BFSP2: variants seen among roughly 807,000 people sequenced by gnomAD.
BFSP2 encodes phakinin.
BFSP2 carries 38 observed loss-of-function variants against 44.9 expected under a neutral mutation model. The ratio of observed to expected loss-of-function variants is 0.85; its 90% CI spans 0.65 to 1.11. The LOEUF (loss-of-function observed/expected upper bound fraction) is 1.11. BFSP2 is among the 50% of genes least tolerant of loss of function. The pLI is 0.00. For missense variants in BFSP2, 525 were observed against 533.0 expected (o/e 0.99, Z 0.15); for synonymous variants, 197 against 209.9 (o/e 0.94, Z 0.53).
At chr3:133,416,736 C>T (rs551486815) in intron 1 of BFSP2, among the ~76,000 whole-genome samples, 4 of 132,856 alleles carry the variant, frequency 3.0e-5, no homozygotes, top group South Asian at 2.8e-4. Context: ...CTCACCCTTG[C>T]CCTCTCACCT....
At chr3:133,423,945 C>T (rs973064427) in intron 1 of BFSP2, among the ~76,000 whole-genome samples, 5 of 152,054 alleles carry the variant, frequency 3.3e-5, no homozygotes, top group African/African-American at 1.2e-4. Context: ...GGACAACTCC[C>T]AATTTCCTGA....
chr3:133,472,198 C>A (rs946239830), intron 5 of BFSP2, 147 bp from the exon 6 acceptor site: 1 of 845,766 alleles, frequency 1.2e-6, no homozygotes, highest in South Asian at 1.5e-5. Context: ...TAAGAATAAC[C>A]CCCATCAGTC....
intron 1 of BFSP2, among the ~76,000 whole-genome samples, chr3:133,422,325 A>T (rs145985655): frequency 6.6e-6 from 1 of 152,240 alleles, no homozygotes; most frequent in African/African-American, 2.4e-5. Context: ...TCTCACTGAC[A>T]TCTCCCTGCA....
chr3:133,421,976 G>A (rs2073596694), intron 1 of BFSP2, among the ~76,000 whole-genome samples: 1 of 151,970 alleles, frequency 6.6e-6, no homozygotes, highest in South Asian at 2.1e-4. Flanking sequence ...GTGTGGTGGT[G>A]CGCACCTATA....
At chr3:133,454,145 C>A (rs1481155893) in intron 4 of BFSP2, among the ~76,000 whole-genome samples, 1 of 152,124 alleles carries the variant, frequency 6.6e-6, no homozygotes, top group Admixed American at 6.6e-5. Context: ...CCTAGTTAGT[C>A]AAGTAAAACA....
At chr3:133,474,140 T>C (rs2074191813) in intron 6 of BFSP2, among the ~76,000 whole-genome samples, 1 of 152,210 alleles carries the variant, frequency 6.6e-6, no homozygotes, top group African/African-American at 2.4e-5. Context: ...CCTTGGGCCT[T>C]AGCTTCCTTG....
intron 5 of BFSP2, among the ~76,000 whole-genome samples, chr3:133,469,172 G>A (rs2074138849): frequency 6.6e-6 from 1 of 152,154 alleles, no homozygotes; most frequent in South Asian, 2.1e-4. Flanking sequence ...GCCCAGAACA[G>A]GCTGCCTCTG....
At chr3:133,443,545 A>G (rs1467452228) in intron 1 of BFSP2, among the ~76,000 whole-genome samples, 3 of 152,234 alleles carry the variant, frequency 2.0e-5, no homozygotes, top group Non-Finnish European at 4.4e-5. Flanking sequence ...TGCAACCAGC[A>G]GGTCAATATG....
At chr3:133,450,012 A>AGGAAGGAAGGAAGGAT (rs2073945068) in intron 3 of BFSP2, among the ~76,000 whole-genome samples, 1 of 107,674 alleles carries the variant, frequency 9.3e-6, no homozygotes, top group Non-Finnish European at 1.8e-5. Context: ...GAAGGAAGGA[A>AGGAAGGAAGGAAGGAT]GGAAGGAGGG....
At chr3:133,408,830 G>T (rs1179763525) in intron 1 of BFSP2, among the ~76,000 whole-genome samples, 3 of 152,102 alleles carry the variant, frequency 2.0e-5, no homozygotes, top group Non-Finnish European at 4.4e-5. Flanking sequence ...TTGAAAAAAT[G>T]GAATAAAACA....
intron 2 of BFSP2, 150 bp downstream of exon 2, chr3:133,447,549 C>A (rs1383516698): frequency 1.2e-6 from 1 of 833,376 alleles, no homozygotes; most frequent in East Asian, 2.7e-5. Context: ...AGCTCACACC[C>A]CTCCTTGTAA....
intron 1 of BFSP2, among the ~76,000 whole-genome samples, chr3:133,438,960 G>A (rs1482523345): frequency 6.6e-6 from 1 of 152,218 alleles, no homozygotes; most frequent in Non-Finnish European, 1.5e-5. Flanking sequence ...CACAGTCTGT[G>A]AGGTCAGACA....
intron 1 of BFSP2, among the ~76,000 whole-genome samples, chr3:133,405,549 TC>T (rs2073397351): frequency 6.6e-6 from 1 of 152,086 alleles, no homozygotes. Context: ...CAAGAACTAA[TC>T]CTTCTCCACT....
At chr3:133,472,264 C>G in intron 5 of BFSP2, 81 bp from the exon 6 acceptor site, 1 of 1,459,924 alleles carries the variant, frequency 6.8e-7, no homozygotes, top group South Asian at 1.2e-5. Flanking sequence ...ACCACCAGCC[C>G]CTGCCACTGC....
intron 1 of BFSP2, among the ~76,000 whole-genome samples, chr3:133,404,194 C>G (rs1402395449): frequency 6.6e-6 from 1 of 152,204 alleles, no homozygotes; most frequent in South Asian, 2.1e-4. Flanking sequence ...AGGTATGAGG[C>G]ACCGTGCCCA....
chr3:133,465,492 A>C (rs1042353172), intron 4 of BFSP2, among the ~76,000 whole-genome samples: 2 of 152,196 alleles, frequency 1.3e-5, no homozygotes, highest in African/African-American at 4.8e-5. Flanking sequence ...AATGGGGATG[A>C]TCTCTCATTT....
intron 6 of BFSP2, among the ~76,000 whole-genome samples, chr3:133,473,573 G>A (rs2074187095): frequency 6.6e-6 from 1 of 151,112 alleles, no homozygotes; most frequent in Admixed American, 6.6e-5. Flanking sequence ...GTGAACAAAG[G>A]TCTCTGGTTT....
intron 1 of BFSP2, among the ~76,000 whole-genome samples, chr3:133,442,910 T>G (rs954649115): frequency 6.6e-6 from 1 of 151,550 alleles, no homozygotes; most frequent in African/African-American, 2.4e-5. Context: ...CAGGCTGGAG[T>G]GCAGTGGTGC....
intron 3 of BFSP2, among the ~76,000 whole-genome samples, chr3:133,449,672 G>C (rs538033722): frequency 2.0e-5 from 3 of 152,108 alleles, no homozygotes; most frequent in African/African-American, 7.2e-5. Flanking sequence ...GAGCCCAGGA[G>C]TTCAAGACCA....
Sources: gnomAD v4.1 joint callset for allele counts (sites outside exome capture counted in the v4.1 genomes callset) on GRCh38, gnomAD v4.1.1 for gene constraint, MANE v1.5 for transcripts, NCBI Gene and HGNC (gene_info 2026-07-23, HGNC 2026-07-21) for gene names.